Variants in HYDIN observed in about 807,000 individuals in gnomAD.
HYDIN encodes HYDIN axonemal central pair apparatus protein, also known as axonemal central pair apparatus protein HYDIN.
Under a neutral mutation model 403.9 loss-of-function variants are expected in HYDIN, and 132 were observed. The ratio of observed to expected loss-of-function variants is 0.33; its 90% CI spans 0.28 to 0.38. The LOEUF is 0.38. Among genes scored for constraint, HYDIN ranks in the 10% least tolerant of loss-of-function variants. HYDIN has a pLI of 1.00. For missense variants in HYDIN, 2,827 were observed against 5,009.5 expected, an observed-to-expected ratio of 0.56 and a Z score of 13.15; for synonymous variants, 1,202 against 1,891.7, an observed-to-expected ratio of 0.64 and a Z score of 9.46.
At chr16:70,909,520 T>C (rs1232461610) in intron 47 of HYDIN, among the ~76,000 whole-genome samples, 1 of 150,312 alleles carries the variant, frequency 6.7e-6, no homozygotes, top group Non-Finnish European at 1.5e-5. Context: ...TGAAGATACC[T>C]TGCAGACATG....
chr16:71,175,519 C>CA, intron 5 of HYDIN, 88 bp downstream of exon 5: 1 of 1,369,906 alleles, frequency 7.3e-7, no homozygotes, highest in African/African-American at 1.4e-5. Context: ...CCACCACCAC[C>CA]ACCAGCACTA....
In HYDIN at chr16:70,971,648, A is replaced by G. The variant is rs563492152; in HGVS notation, c.5380-889T>C. Among the ~76,000 whole-genome samples the G allele has an allele frequency of 5.9e-5, 9 of 152,076 alleles. No homozygotes were observed. In the South Asian group the frequency reaches 1.9e-3, roughly 32 times the overall value. The stretch of plus-strand genomic sequence containing the variant: ...GACCTCCTATCTTAGCTTGAAGGGG[A>G]AAAAGCAAATGGATGGAATGTATAC... On this transcript the variant is annotated intron_variant, in intron 35 of 85. Coordinates refer to ENST00000393567, the MANE Select transcript of HYDIN (RefSeq NM_001270974.2).
chr16:71,096,452 T>G (rs1464322293), intron 10 of HYDIN, among the ~76,000 whole-genome samples: 3 of 152,250 alleles, frequency 2.0e-5, no homozygotes, highest in Admixed American at 2.0e-4. Flanking sequence ...TATTGTTTCT[T>G]CTCCACTTTT....
At chr16:71,093,068 G>A (rs1025183438) in intron 11 of HYDIN, among the ~76,000 whole-genome samples, 4 of 150,028 alleles carry the variant, frequency 2.7e-5, no homozygotes, top group Non-Finnish European at 5.9e-5. Context: ...ACACAATAAA[G>A]TATGAATCTG....
intron 1 of HYDIN, among the ~76,000 whole-genome samples, chr16:71,189,097 A>C (rs1445011805): frequency 6.6e-6 from 1 of 152,246 alleles, no homozygotes; most frequent in African/African-American, 2.4e-5. Flanking sequence ...AGCTAAAAAT[A>C]TGGTGTTATA....
chr16:70,890,471 G>A lies in HYDIN; in HGVS notation c.9657-767C>T, dbSNP rs998707686. 5.3e-5 allele frequency among the ~76,000 whole-genome samples: 8 copies of A among 152,246 alleles called. 1 individual carries two copies. Among genetic ancestry groups the A allele is most frequent in the Admixed American group, 5.2e-4 (8 of 15,296 alleles). ...AATTCAGTTGAAATTAAACTAGGAA[G>A]AAAGAGACTTTACACAATTCAACTC... On this transcript the variant is annotated intron_variant, in intron 57 of 85. Coordinates refer to ENST00000393567, the MANE Select transcript of HYDIN (RefSeq NM_001270974.2).
In HYDIN at chr16:70,892,480, T is replaced by A; in HGVS notation, c.9298A>T (p.Ile3100Phe). The change falls in exon 56 of 86, where the codon ATC becomes TTC. Residue 3100 changes from isoleucine (I) to phenylalanine (F), a missense_variant. Physicochemically the swap from Ile to Phe is conservative, Grantham distance 21. Transcript: ENST00000393567. ...GISTPNINSM[I>F]SVQPKKGSLT... ...GAACCCTTTTTGGGTTGGACTGAGA[T>A]CATGGAATTTATATTAGGTGTTGAA... The A allele has an allele frequency of 1.3e-6, 2 of 1,597,016 alleles. No homozygotes were observed. The highest frequency in any genetic ancestry group is 2.2e-5 in the East Asian group (1 of 44,772).
At position 70,805,471 on chromosome 16, in the gene HYDIN, A is replaced by C. The variant is rs1458231055; in HGVS notation, c.*2109T>G. 1.3e-5 allele frequency among the ~76,000 whole-genome samples: 2 copies of C among 152,240 alleles called. No individual in the cohort carries two copies. Among genetic ancestry groups the C allele is most frequent in the African/African-American group, 4.8e-5 (2 of 41,468 alleles). On this transcript the variant is annotated 3_prime_UTR_variant, in exon 86 of 86. Transcript: ENST00000393567. ...AGTCTGATTGGTCTCACCAACGAGC[A>C]TCACCAAGAACTGGTTAGAAATGCA...
chr16:70,832,760 C>G, intron 80 of HYDIN, 88 bp downstream of exon 80: 1 of 1,013,050 alleles, frequency 9.9e-7, no homozygotes, highest in Admixed American at 1.9e-5. Context: ...AGGGAGGGGG[C>G]AGGCCTGCCT....
intron 85 of HYDIN, among the ~76,000 whole-genome samples, chr16:70,808,635 C>G (rs2035258053): frequency 6.6e-6 from 1 of 152,146 alleles, no homozygotes; most frequent in African/African-American, 2.4e-5. Context: ...CATCTTAAGC[C>G]CCTGTGATTG....
chr16:70,978,759 G>A (rs1478832328), intron 30 of HYDIN, among the ~76,000 whole-genome samples, 155 bp downstream of exon 30: 1 of 152,056 alleles, frequency 6.6e-6, no homozygotes, highest in Non-Finnish European at 1.5e-5. Context: ...GTACCTCAGA[G>A]ACCATGTCCT....
At chr16:71,204,214 G>C (rs1484575067) in intron 1 of HYDIN, among the ~76,000 whole-genome samples, 1 of 152,176 alleles carries the variant, frequency 6.6e-6, no homozygotes, top group Non-Finnish European at 1.5e-5. Context: ...ATTAAAAATT[G>C]ATCTTGTTTG....
At chr16:71,177,222 C>T (rs2086705740) in intron 4 of HYDIN, among the ~76,000 whole-genome samples, 1 of 152,208 alleles carries the variant, frequency 6.6e-6, no homozygotes, top group South Asian at 2.1e-4. Flanking sequence ...TAAACAACCA[C>T]TGATGACCAT....
chr16:71,004,068 A>G (rs76120359), intron 23 of HYDIN, among the ~76,000 whole-genome samples: 361 of 151,482 alleles, frequency 2.4e-3, no homozygotes, highest in Non-Finnish European at 3.8e-3. Flanking sequence ...TAATCCCAGC[A>G]CTTTGGGAGG....
chr16:70,920,810 C>T lies in HYDIN; in HGVS notation c.7566G>A (p.Glu2522=). 1 of 1,564,930 alleles carries T rather than the reference C, an allele frequency of 6.4e-7. No individual in the cohort carries two copies. Among genetic ancestry groups the T allele is most frequent in the Non-Finnish European group, 8.7e-7 (1 of 1,153,930 alleles). The part of the protein sequence containing the change: ...ERERLEKERT[E]KERLEREKAE... ...CCTTCTCCCTCTCCAGGCGCTCCTT[C>T]TCCGTGCGCTCCTTCTCCAGGCGCT... Residue 2522 remains glutamate (E), a synonymous_variant, in exon 46 of 86, where the codon GAG becomes GAA. Transcript: ENST00000393567.
At chr16:71,047,891 ATTG>A (rs2081504392) in intron 18 of HYDIN, among the ~76,000 whole-genome samples, 1 of 152,126 alleles carries the variant, frequency 6.6e-6, no homozygotes, top group Admixed American at 6.5e-5. Context: ...ACAATACAAT[ATTG>A]TTAACCAGTC....
At chr16:71,126,349 T>G (rs2084456615) in intron 9 of HYDIN, among the ~76,000 whole-genome samples, 1 of 152,198 alleles carries the variant, frequency 6.6e-6, no homozygotes. Context: ...GTCAGAGGAC[T>G]ATCCAGGGCT....
intron 60 of HYDIN, among the ~76,000 whole-genome samples, chr16:70,880,495 C>T (rs2040724921): frequency 1.3e-5 from 2 of 151,978 alleles, no homozygotes; most frequent in South Asian, 4.2e-4. Flanking sequence ...GACAGAGCAT[C>T]CGCTGGTCTT....
intron 73 of HYDIN, among the ~76,000 whole-genome samples, chr16:70,854,460 G>A (rs1273147112): frequency 6.6e-6 from 1 of 151,582 alleles, no homozygotes; most frequent in Non-Finnish European, 1.5e-5. Context: ...TGTCACCCTG[G>A]CCAGAGTGCA....
Sources: gnomAD v4.1 joint callset for allele counts (sites outside exome capture counted in the v4.1 genomes callset) on GRCh38, gnomAD v4.1.1 for gene constraint, MANE v1.5 for transcripts, NCBI Gene and HGNC (gene_info 2026-07-23, HGNC 2026-07-21) for gene names.